Variants in KDM4B observed in about 807,000 individuals in gnomAD.
KDM4B encodes lysine demethylase 4B, also known as lysine-specific demethylase 4B.
In KDM4B, 32 loss-of-function variants were observed where a neutral mutation model predicts 125.2. That is an observed-to-expected ratio of 0.26 (90% CI 0.19 to 0.34). KDM4B has a LOEUF of 0.34. Ranked by LOEUF, KDM4B falls within the 10% of genes least tolerant of loss-of-function variation. KDM4B has a pLI of 1.00. For missense variants in KDM4B, 1,190 were observed against 1,577.7 expected (o/e 0.75, Z 4.16); for synonymous variants, 721 against 677.9 (o/e 1.06, Z -0.99).
At position 4,969,164 on chromosome 19, in the gene KDM4B, G is replaced by A. The variant is rs1416109694; in HGVS notation, c.-175G>A. 6.6e-6 allele frequency: 1 copy of A among 150,698 alleles called. No individual in the cohort carries two copies. Among genetic ancestry groups the A allele is most frequent in the African/African-American group, 2.4e-5 (1 of 41,186 alleles). The allele number at this position is 150,698 out of a possible 1,614,324, so 9.3% of individuals were successfully genotyped here. On this transcript the variant is annotated 5_prime_UTR_variant, in exon 1 of 23. Transcript: ENST00000159111. ...GGGCCCGGCCCGAGCGGGGCCTGGG[G>A]GTGCGACGCCGAGGGCGGGGGAGAG...
chr19:5,046,281 G>A (rs1001060977), intron 5 of KDM4B, among the ~76,000 whole-genome samples: 36 of 152,350 alleles, frequency 2.4e-4, no homozygotes, highest in African/African-American at 7.9e-4. Context: ...CTTTTACAGC[G>A]GGGGAAACAG....
chr19:4,986,538 G>A (rs2034838481), intron 1 of KDM4B, among the ~76,000 whole-genome samples: 1 of 152,196 alleles, frequency 6.6e-6, no homozygotes, highest in Non-Finnish European at 1.5e-5. Context: ...GGAGGGCTCG[G>A]GAGGCTGTGT....
At chr19:5,033,182 T>G in intron 3 of KDM4B, 151 bp downstream of exon 3, 1 of 925,374 alleles carries the variant, frequency 1.1e-6, no homozygotes, top group Admixed American at 2.6e-5. Context: ...TACCAGCGCC[T>G]GTTTGTGGAG....
chr19:5,060,122 G>GTGATC (rs1341582755), intron 6 of KDM4B, among the ~76,000 whole-genome samples: 2 of 152,210 alleles, frequency 1.3e-5, no homozygotes, highest in African/African-American at 4.8e-5. Context: ...TCTTGGCCGG[G>GTGATC]TGATCCCTCA....
At chr19:5,137,196 A>C in intron 15 of KDM4B, 66 bp from the exon 16 acceptor site, 10 of 1,135,342 alleles carry the variant, frequency 8.8e-6, no homozygotes, top group Non-Finnish European at 1.2e-5. Context: ...CCTCCCCCTG[A>C]GTTTCACTCG....
At chr19:5,148,405 GTGCTCCTGAGAATCTGGGGCGGATCTC>G (rs2039888355) in intron 21 of KDM4B, among the ~76,000 whole-genome samples, 1 of 152,198 alleles carries the variant, frequency 6.6e-6, no homozygotes, top group Non-Finnish European at 1.5e-5. Context: ...AGGCGGTTCT[GTGCTCCTGAGAATCTGGGGCGGATCTC>G]TGCAGTCTTC....
intron 1 of KDM4B, among the ~76,000 whole-genome samples, chr19:4,979,553 G>A (rs1366089356): frequency 3.3e-5 from 5 of 152,164 alleles, no homozygotes; most frequent in Non-Finnish European, 4.4e-5. Context: ...GGTGTTACCC[G>A]AACCAGTGTG....
At chr19:5,086,037 G>A (rs890745351) in intron 9 of KDM4B, among the ~76,000 whole-genome samples, 3 of 152,134 alleles carry the variant, frequency 2.0e-5, no homozygotes, top group South Asian at 4.1e-4. Context: ...CCCTCTGGCC[G>A]GCCCAGCTCC....
rs898604180 is a variant in KDM4B, at chr19:5,103,013, G to A, written c.919-7609G>A. ...TCCTGGCAACGGCCCTGCCCACCAC[G>A]TACCCACCTCTCCCACACAGGCCAG... On this transcript the variant is annotated intron_variant, in intron 9 of 22. Transcript: ENST00000159111. Among the ~76,000 whole-genome samples the A allele has an allele frequency of 6.6e-5, 10 of 152,320 alleles. No homozygotes were observed. In the East Asian group the frequency reaches 1.5e-3, roughly 24 times the overall value.
chr19:5,080,616 C>T (rs1429013541), intron 8 of KDM4B: 1 of 152,254 alleles, frequency 6.6e-6, no homozygotes, highest in Non-Finnish European at 1.5e-5. Context: ...AGGGCGGTGC[C>T]ATGGCCATGG....
At chr19:5,072,661 C>G (rs1457018281) in intron 7 of KDM4B, among the ~76,000 whole-genome samples, 3 of 152,164 alleles carry the variant, frequency 2.0e-5, no homozygotes, top group Admixed American at 2.0e-4. Flanking sequence ...GAAACATTCC[C>G]CATGTTGTAT....
rs538561135 is a variant in KDM4B at position 5,131,805 on chromosome 19, G to A, written c.1786-82G>A. Reference sequence around the variant, plus strand: ...GAGAGGAGACTCAGGCCTCAGGCACGCCGAGCCCCTGTGTGGCTCCGAGGG... The same window carrying A: ...GAGAGGAGACTCAGGCCTCAGGCACACCGAGCCCCTGTGTGGCTCCGAGGG... On this transcript the variant is annotated intron_variant, in intron 12 of 22. Coordinates refer to ENST00000159111, the MANE Select transcript of KDM4B (RefSeq NM_015015.3). 2.9e-5 allele frequency: 45 copies of A among 1,571,684 alleles called. No homozygotes were observed. In the East Asian group the frequency reaches 2.9e-4, roughly 10 times the overall value.
Position 5,142,921 on chromosome 19 carries a change from G to GC in KDM4B, c.2551-1042dup, listed in dbSNP as rs2039771131. On this transcript the variant is annotated intron_variant, in intron 18 of 22. Transcript: ENST00000159111. This position sits in a 1 kb window ranked among gnomAD's most constrained non-coding sequence, Gnocchi z 5.4. ...TGGCGTGGGTGTGGCGGCCGCCAGG[G>GC]CCCCGGTGCTGGCTCGGGCAGGTGT... 6.6e-6 allele frequency among the ~76,000 whole-genome samples: 1 copy of GC among 152,094 alleles called. No homozygotes were observed. Among genetic ancestry groups the GC allele is most frequent in the Non-Finnish European group, 1.5e-5 (1 of 68,016 alleles).
chr19:5,072,975 CCT>C (rs1221929242), intron 7 of KDM4B, among the ~76,000 whole-genome samples: 1 of 152,212 alleles, frequency 6.6e-6, no homozygotes, highest in South Asian at 2.1e-4. Flanking sequence ...ATCACTCCAG[CCT>C]CTGTCTCTGG....
At chr19:5,111,715 C>A in intron 10 of KDM4B, 1 of 759,578 alleles carries the variant, frequency 1.3e-6, no homozygotes, top group Non-Finnish European at 2.4e-6. Context: ...AGAGTGGGCT[C>A]AGCCAACTCC....
intron 9 of KDM4B, among the ~76,000 whole-genome samples, chr19:5,087,199 G>C (rs918927695): frequency 7.9e-5 from 12 of 152,266 alleles, no homozygotes; most frequent in Admixed American, 7.2e-4. Flanking sequence ...TGTCAAGGAG[G>C]GGGTGGGATT....
At chr19:5,121,632 CA>C (rs1178734329) in intron 11 of KDM4B, among the ~76,000 whole-genome samples, 19 of 151,818 alleles carry the variant, frequency 1.3e-4, no homozygotes, top group Admixed American at 1.2e-3. Context: ...TAAACCTAAC[CA>C]AAAAAATGAT....
intron 11 of KDM4B, among the ~76,000 whole-genome samples, chr19:5,121,918 C>T (rs1011272765): frequency 6.6e-6 from 1 of 152,008 alleles, no homozygotes; most frequent in African/African-American, 2.4e-5. Flanking sequence ...GCAAAGATGG[C>T]AAAAGGTCTA....
At chr19:5,032,567 C>T (rs1437463960) in intron 2 of KDM4B, among the ~76,000 whole-genome samples, 2 of 152,214 alleles carry the variant, frequency 1.3e-5, no homozygotes, top group African/African-American at 4.8e-5. Flanking sequence ...GATACGTAAA[C>T]CTTTCTCTCC....
Sources: allele counts gnomAD v4.1 joint callset (sites outside exome capture counted in the v4.1 genomes callset), GRCh38; gene constraint gnomAD v4.1.1; non-coding constraint Gnocchi (gnomAD v3.1); transcripts MANE v1.5; gene names NCBI Gene and HGNC (gene_info 2026-07-23, HGNC 2026-07-21).